Variants in ATXN1 observed in about 807,000 individuals in gnomAD.
ATXN1 encodes the protein ataxin-1.
A neutral mutation model predicts 56.4 loss-of-function variants in ATXN1; 8 were observed. The observed-to-expected ratio is 0.14, with a 90% CI of 0.08 to 0.26. The LOEUF (loss-of-function observed/expected upper bound fraction) is 0.26, where lower values mean the gene tolerates loss of function less well. Among genes scored for constraint, ATXN1 ranks in the 10% least tolerant of loss-of-function variants. ATXN1 has a pLI of 1.00. For missense variants in ATXN1, 987 were observed against 1,106.5 expected (o/e 0.89, Z 1.53); for synonymous variants, 514 against 494.6 (o/e 1.04, Z -0.52).
chr6:16,564,803 C>T (rs1762186847), intron 4 of ATXN1, among the ~76,000 whole-genome samples: 1 of 152,092 alleles, frequency 6.6e-6, no homozygotes, highest in Non-Finnish European at 1.5e-5. Flanking sequence ...GATAGCTGCA[C>T]AGCTCTGTAA....
intron 6 of ATXN1, among the ~76,000 whole-genome samples, chr6:16,467,413 T>C (rs1760130083): frequency 6.6e-6 from 1 of 152,210 alleles, no homozygotes; most frequent in African/African-American, 2.4e-5. Context: ...CACGGTCCAA[T>C]CACCAGTGTC....
chr6:16,355,910 T>C (rs1761676410), intron 6 of ATXN1, among the ~76,000 whole-genome samples: 1 of 152,164 alleles, frequency 6.6e-6, no homozygotes, highest in African/African-American at 2.4e-5. Context: ...CTCTCCTGCT[T>C]ATTCCTGTAA....
intron 6 of ATXN1, among the ~76,000 whole-genome samples, chr6:16,355,560 CT>C (rs11285936): frequency 0.67 from 97,997 of 146,722 alleles, 32,972 homozygotes; most frequent in Admixed American, 0.78. Flanking sequence ...CTCACCCACC[CT>C]TTTTTTTTTT....
chr6:16,637,412 G>A (rs1465470132), intron 3 of ATXN1, among the ~76,000 whole-genome samples: 1 of 151,456 alleles, frequency 6.6e-6, no homozygotes, highest in East Asian at 1.9e-4. Context: ...GAGTTAATGG[G>A]TGCAGCACAC....
intron 6 of ATXN1, among the ~76,000 whole-genome samples, chr6:16,459,698 T>C (rs919080576): frequency 2.6e-5 from 4 of 152,310 alleles, no homozygotes; most frequent in African/African-American, 7.2e-5. Context: ...AAACCCAACT[T>C]ACATGGACGG....
intron 3 of ATXN1, among the ~76,000 whole-genome samples, chr6:16,647,024 A>T (rs936381719): frequency 6.6e-6 from 1 of 151,938 alleles, no homozygotes; most frequent in Admixed American, 6.6e-5. Context: ...GTTTTTTTTG[A>T]GAAGAAGTCT....
intron 4 of ATXN1, among the ~76,000 whole-genome samples, chr6:16,570,756 A>G (rs948987879): frequency 2.6e-5 from 4 of 152,174 alleles, no homozygotes; most frequent in African/African-American, 9.7e-5. Context: ...CCCTTATTTT[A>G]TTCATAAGTT....
At chr6:16,751,458 C>T (rs1760716193) in intron 2 of ATXN1, among the ~76,000 whole-genome samples, 1 of 152,188 alleles carries the variant, frequency 6.6e-6, no homozygotes, top group African/African-American at 2.4e-5. Flanking sequence ...ACCTTGTCCC[C>T]CACTGGGACT....
intron 6 of ATXN1, among the ~76,000 whole-genome samples, chr6:16,432,344 G>A (rs967682584): frequency 2.0e-5 from 3 of 152,160 alleles, no homozygotes; most frequent in Non-Finnish European, 4.4e-5. Flanking sequence ...TGAAATCAAC[G>A]AGGATATGCA....
chr6:16,460,721 C>T (rs986331392), intron 6 of ATXN1, among the ~76,000 whole-genome samples: 1 of 152,128 alleles, frequency 6.6e-6, no homozygotes, highest in Non-Finnish European at 1.5e-5. Context: ...TAATCCTGAC[C>T]TTAACCTATA....
intron 3 of ATXN1, among the ~76,000 whole-genome samples, chr6:16,626,222 A>C (rs895178025): frequency 6.6e-6 from 1 of 152,252 alleles, no homozygotes; most frequent in Non-Finnish European, 1.5e-5. Context: ...TGAAAAGGCT[A>C]TTAAAATGGT....
intron 3 of ATXN1, among the ~76,000 whole-genome samples, chr6:16,604,802 G>C (rs544126209): frequency 1.3e-4 from 19 of 151,354 alleles, no homozygotes; most frequent in African/African-American, 4.6e-4. Context: ...GCCCAGGCTA[G>C]TCTCAAACTC....
intron 2 of ATXN1, among the ~76,000 whole-genome samples, chr6:16,713,479 A>C (rs1345874467): frequency 7.2e-5 from 11 of 152,224 alleles, no homozygotes; most frequent in Non-Finnish European, 1.5e-5. Context: ...AAAACTGCTC[A>C]ATCCAAGAGT....
intron 6 of ATXN1, among the ~76,000 whole-genome samples, chr6:16,388,397 G>C (rs1051881235): frequency 6.6e-6 from 1 of 152,202 alleles, no homozygotes; most frequent in Admixed American, 6.5e-5. Context: ...TGAGGATCAA[G>C]TGGTGGTTTC....
At chr6:16,612,889 TAA>T (rs754223145) in intron 3 of ATXN1, among the ~76,000 whole-genome samples, 22 of 129,388 alleles carry the variant, frequency 1.7e-4, no homozygotes, top group Admixed American at 2.3e-4. Context: ...GACTCTGTCT[TAA>T]AAAAAAAAAA....
At chr6:16,540,030 C>T (rs546582539) in intron 4 of ATXN1, among the ~76,000 whole-genome samples, 1 of 152,272 alleles carries the variant, frequency 6.6e-6, no homozygotes, top group East Asian at 1.9e-4. Flanking sequence ...CTTTTCTTGA[C>T]ATGATGTTTC....
intron 7 of ATXN1, among the ~76,000 whole-genome samples, chr6:16,324,046 C>T (rs1040267219): frequency 1.3e-5 from 2 of 152,096 alleles, no homozygotes; most frequent in South Asian, 2.1e-4. Context: ...TAAAAGCTCT[C>T]GGCAATGCAG....
At chr6:16,629,482 C>T (rs1266789183) in intron 3 of ATXN1, among the ~76,000 whole-genome samples, 4 of 152,146 alleles carry the variant, frequency 2.6e-5, no homozygotes, top group Non-Finnish European at 4.4e-5. Context: ...CACTCGCCAC[C>T]AGCCCAGCTA....
At chr6:16,671,485 G>A (rs1758541381) in intron 2 of ATXN1, among the ~76,000 whole-genome samples, 1 of 152,162 alleles carries the variant, frequency 6.6e-6, no homozygotes, top group Non-Finnish European at 1.5e-5. Context: ...TATTTCTGAA[G>A]TGAAACTAAT....
Sources: gnomAD v4.1 joint callset for allele counts (sites outside exome capture counted in the v4.1 genomes callset) on GRCh38, gnomAD v4.1.1 for gene constraint, MANE v1.5 for transcripts, NCBI Gene and HGNC (gene_info 2026-07-23, HGNC 2026-07-21) for gene names.